Variants in PKIB observed in about 807,000 individuals in gnomAD.
The protein encoded by PKIB is cAMP-dependent protein kinase inhibitor beta.
In PKIB, 2 loss-of-function variants were observed where a neutral mutation model predicts 4.5. The observed-to-expected ratio is 0.44, with a 90% confidence interval of 0.18 to 1.39. The LOEUF (loss-of-function observed/expected upper bound fraction) is 1.39. Among genes scored for constraint, PKIB ranks in the 40% most tolerant of loss-of-function variants. PKIB has a pLI of 0.27. For synonymous variants in PKIB, 38 were observed against 36.0 expected, an observed-to-expected ratio of 1.06 and a Z score of -0.20; for missense variants, 94 against 92.6, an observed-to-expected ratio of 1.02 and a Z score of -0.06.
intron 2 of PKIB, among the ~76,000 whole-genome samples, chr6:122,646,644 T>C (rs1468233920): frequency 1.3e-5 from 2 of 152,228 alleles, no homozygotes; most frequent in Non-Finnish European, 2.9e-5. Flanking sequence ...TTTTATTAGA[T>C]TCTTTACAAT....
chr6:122,486,424 C>T (rs951249082), intron 2 of PKIB, among the ~76,000 whole-genome samples: 5 of 150,938 alleles, frequency 3.3e-5, no homozygotes, highest in African/African-American at 1.2e-4. Flanking sequence ...CTTGATCCAC[C>T]CTCGTCTTCT....
At chr6:122,538,658 G>A (rs981692005) in intron 2 of PKIB, among the ~76,000 whole-genome samples, 8 of 152,072 alleles carry the variant, frequency 5.3e-5, no homozygotes, top group Admixed American at 5.2e-4. Flanking sequence ...ACTTGGCAAT[G>A]CAGGCTCTTT....
chr6:122,713,597 C>T (rs1181257484), intron 3 of PKIB, among the ~76,000 whole-genome samples: 2 of 152,116 alleles, frequency 1.3e-5, no homozygotes, highest in Admixed American at 6.5e-5. Context: ...TGAGAGATGG[C>T]TACTGGGGGA....
At chr6:122,661,225 A>G (rs2114913292) in intron 2 of PKIB, among the ~76,000 whole-genome samples, 2 of 152,270 alleles carry the variant, frequency 1.3e-5, no homozygotes, top group Middle Eastern at 6.8e-3. Flanking sequence ...ATAATTTGCT[A>G]CCATAAAAGC....
intron 3 of PKIB, among the ~76,000 whole-genome samples, chr6:122,697,204 G>A (rs1778612767): frequency 6.6e-6 from 1 of 152,050 alleles, no homozygotes; most frequent in Non-Finnish European, 1.5e-5. Flanking sequence ...AACAAAACCT[G>A]CTACTCAAGG....
chr6:122,530,611 G>C (rs1300057450), intron 2 of PKIB, among the ~76,000 whole-genome samples: 1 of 152,128 alleles, frequency 6.6e-6, no homozygotes, highest in Admixed American at 6.6e-5. Context: ...AGCTAGAAGT[G>C]AAAGAGCTTC....
chr6:122,683,833 G>A (rs1289838287), intron 3 of PKIB, among the ~76,000 whole-genome samples: 1 of 152,016 alleles, frequency 6.6e-6, no homozygotes, highest in African/African-American at 2.4e-5. Flanking sequence ...TAACAATAAG[G>A]CTATGATATG....
chr6:122,701,175 C>A, intron 3 of PKIB: 1 of 352,646 alleles, frequency 2.8e-6, no homozygotes, highest in Non-Finnish European at 5.3e-6. Context: ...AGGTCACTAC[C>A]TTTGCATGAA....
At chr6:122,674,706 A>G (rs759732109) in intron 2 of PKIB, among the ~76,000 whole-genome samples, 21 of 152,188 alleles carry the variant, frequency 1.4e-4, no homozygotes, top group Non-Finnish European at 2.5e-4. Flanking sequence ...CAAAGGTGGT[A>G]TCATGCCAAA....
intron 2 of PKIB, among the ~76,000 whole-genome samples, chr6:122,523,651 T>C (rs1202429371): frequency 1.3e-5 from 2 of 151,852 alleles, no homozygotes; most frequent in Non-Finnish European, 1.5e-5. Context: ...GGCATGGTGG[T>C]GGGTGCCTGT....
At chr6:122,528,540 T>C (rs555249788) in intron 2 of PKIB, among the ~76,000 whole-genome samples, 1 of 152,304 alleles carries the variant, frequency 6.6e-6, no homozygotes, top group East Asian at 1.9e-4. Flanking sequence ...GCCATCTTGC[T>C]GTATCCTCAC....
intron 2 of PKIB, among the ~76,000 whole-genome samples, chr6:122,548,065 T>G (rs1562247348): frequency 6.6e-6 from 1 of 152,182 alleles, no homozygotes; most frequent in Non-Finnish European, 1.5e-5. Flanking sequence ...GCTTTATACA[T>G]AAGTTTTGGG....
intron 2 of PKIB, among the ~76,000 whole-genome samples, chr6:122,539,855 C>T (rs1777536561): frequency 6.6e-6 from 1 of 152,072 alleles, no homozygotes; most frequent in Non-Finnish European, 1.5e-5. Context: ...GCCACAATTT[C>T]AGATCCTGTT....
intron 2 of PKIB, among the ~76,000 whole-genome samples, chr6:122,563,970 G>A (rs1040498340): frequency 2.6e-5 from 4 of 152,300 alleles, no homozygotes; most frequent in Admixed American, 2.6e-4. Flanking sequence ...CTGGCAAGGA[G>A]GCTTCTCATC....
intron 3 of PKIB, among the ~76,000 whole-genome samples, chr6:122,691,155 CT>C (rs988085602): frequency 2.0e-5 from 3 of 151,880 alleles, no homozygotes; most frequent in African/African-American, 7.3e-5. Context: ...TATTAAATGC[CT>C]TAAGGTAGTC....
chr6:122,667,038 C>T (rs183985549), intron 2 of PKIB, among the ~76,000 whole-genome samples: 151 of 152,188 alleles, frequency 9.9e-4, no homozygotes, highest in African/African-American at 3.3e-3. Context: ...TTGTTTGCTC[C>T]CTTTCCTCCC....
intron 2 of PKIB, among the ~76,000 whole-genome samples, chr6:122,509,029 G>A (rs1776507047): frequency 1.3e-5 from 2 of 152,100 alleles, no homozygotes; most frequent in South Asian, 2.1e-4. Context: ...GATTACAGGC[G>A]TGAGCCACCG....
At chr6:122,670,464 ATCACCCAT>A (rs1369959434) in intron 2 of PKIB, among the ~76,000 whole-genome samples, 1 of 150,976 alleles carries the variant, frequency 6.6e-6, no homozygotes, top group African/African-American at 2.4e-5. Flanking sequence ...CAATCCACCC[ATCACCCAT>A]TCTTTCTTAT....
chr6:122,724,243 G>A (rs1779855571), intron 4 of PKIB, among the ~76,000 whole-genome samples: 1 of 152,238 alleles, frequency 6.6e-6, no homozygotes, highest in Non-Finnish European at 1.5e-5. Context: ...CAGGAGAAAG[G>A]GAAAGTCAGG....
Sources: allele counts gnomAD v4.1 joint callset (sites outside exome capture counted in the v4.1 genomes callset), GRCh38; gene constraint gnomAD v4.1.1; transcripts MANE v1.5; gene names NCBI Gene and HGNC (gene_info 2026-07-23, HGNC 2026-07-21).